Variants in NRG1 observed in about 807,000 individuals in gnomAD.
NRG1 encodes neuregulin 1.
NRG1 carries 18 observed loss-of-function variants against 63.8 expected under a neutral mutation model. That is an observed-to-expected ratio of 0.28 (90% CI 0.19 to 0.42). NRG1 has a LOEUF of 0.42. Among genes scored for constraint, NRG1 ranks in the 10% least tolerant of loss-of-function variants. The probability of loss-of-function intolerance (pLI) is 1.00; values close to 1 mark genes in which losing one functional copy is unlikely to be tolerated. For synonymous variants in NRG1, 302 were observed against 301.3 expected (o/e 1.00, Z -0.02); for missense variants, 762 against 814.7 (o/e 0.94, Z 0.79).
In NRG1 at chr8:32,742,941, C is replaced by G; in HGVS notation, c.691+208C>G. 1 of 1,436,498 alleles carries G rather than the reference C, an allele frequency of 7.0e-7. No homozygotes were observed. The highest frequency in any genetic ancestry group is 9.1e-7 in the Non-Finnish European group (1 of 1,093,360). 89.0% of individuals were successfully genotyped at this position (1,436,498 alleles called of 1,614,324 possible). On this transcript the variant is annotated intron_variant, in intron 7 of 11. Transcript: ENST00000356819. This position sits in a 1 kb window ranked among gnomAD's most constrained non-coding sequence, Gnocchi z 4.2. ...TTCGCGACTAGTTGGCTCTGAGATA[C>G]TAATAGGTGTGTGAGGCTCCGGATG...
chr8:32,008,761 C>T (rs930940208), intron 1 of NRG1, among the ~76,000 whole-genome samples: 13 of 152,056 alleles, frequency 8.5e-5, no homozygotes, highest in African/African-American at 2.7e-4. Flanking sequence ...TGAAGAGCTG[C>T]GTAAGCCTGA....
intron 1 of NRG1, among the ~76,000 whole-genome samples, chr8:31,787,047 G>A (rs1820242108): frequency 6.6e-6 from 1 of 152,124 alleles, no homozygotes; most frequent in South Asian, 2.1e-4. Context: ...ACCCAAGACT[G>A]GCAGCCAGCA....
At chr8:32,333,307 A>G (rs1417332928) in intron 1 of NRG1, among the ~76,000 whole-genome samples, 1 of 152,098 alleles carries the variant, frequency 6.6e-6, no homozygotes, top group Admixed American at 6.6e-5. Flanking sequence ...GCAAAGCCCT[A>G]ATTTATTTTT....
At chr8:31,795,733 A>G (rs941251424) in intron 1 of NRG1, among the ~76,000 whole-genome samples, 1 of 152,106 alleles carries the variant, frequency 6.6e-6, no homozygotes, top group African/African-American at 2.4e-5. Context: ...ATGTAGGTAC[A>G]ATCTTCCGTA....
At chr8:31,789,688 C>T (rs931199483) in intron 1 of NRG1, among the ~76,000 whole-genome samples, 1 of 152,160 alleles carries the variant, frequency 6.6e-6, no homozygotes. Flanking sequence ...GCTTATGAAA[C>T]CTCCCACCTA....
intron 1 of NRG1, among the ~76,000 whole-genome samples, chr8:32,405,423 G>T (rs1270812461): frequency 6.6e-6 from 1 of 152,178 alleles, no homozygotes. Flanking sequence ...CTGTGCCTTT[G>T]CAACTAAAGC....
At chr8:31,818,977 T>C (rs1823732072) in intron 1 of NRG1, among the ~76,000 whole-genome samples, 1 of 151,996 alleles carries the variant, frequency 6.6e-6, no homozygotes, top group East Asian at 1.9e-4. Flanking sequence ...TCACTTGAAC[T>C]CGGGAGGCGG....
intron 5 of NRG1, among the ~76,000 whole-genome samples, chr8:32,675,558 A>G (rs1457973635): frequency 4.4e-4 from 67 of 152,226 alleles, no homozygotes; most frequent in Admixed American, 4.4e-3. Flanking sequence ...AAAATATTTA[A>G]TTCAAATTTT....
intron 1 of NRG1, among the ~76,000 whole-genome samples, chr8:31,826,277 C>A (rs1824546013): frequency 6.6e-6 from 1 of 152,116 alleles, no homozygotes; most frequent in Non-Finnish European, 1.5e-5. Context: ...TGTCCCCACC[C>A]AAATCTCTAC....
intron 1 of NRG1, among the ~76,000 whole-genome samples, chr8:32,026,663 T>C (rs552163202): frequency 6.6e-6 from 1 of 152,322 alleles, no homozygotes; most frequent in Admixed American, 6.5e-5. Flanking sequence ...CCTTAACACA[T>C]AATAGCTTAA....
At chr8:31,789,647 T>C (rs1820505300) in intron 1 of NRG1, among the ~76,000 whole-genome samples, 3 of 152,166 alleles carry the variant, frequency 2.0e-5, no homozygotes, top group Admixed American at 2.0e-4. Context: ...TTCAGTGTGA[T>C]GGTTGAGGAT....
At chr8:32,331,283 C>G (rs1282965102) in intron 1 of NRG1, among the ~76,000 whole-genome samples, 2 of 148,560 alleles carry the variant, frequency 1.3e-5, no homozygotes, top group Non-Finnish European at 3.0e-5. Flanking sequence ...AATCCCAGCA[C>G]TTTGGAAGGC....
chr8:32,632,083 G>A (rs1048813982), intron 5 of NRG1, among the ~76,000 whole-genome samples: 25 of 152,114 alleles, frequency 1.6e-4, no homozygotes, highest in Admixed American at 1.3e-4. Context: ...TAAACTTATG[G>A]CATTAAAAAG....
chr8:32,543,211 T>C (rs1015840640), intron 1 of NRG1, among the ~76,000 whole-genome samples: 2 of 152,164 alleles, frequency 1.3e-5, no homozygotes, highest in African/African-American at 4.8e-5. Flanking sequence ...TGCTTTCCAT[T>C]TCCAGTAAAG....
chr8:32,418,208 A>G (rs569511732), intron 1 of NRG1, among the ~76,000 whole-genome samples: 3 of 152,228 alleles, frequency 2.0e-5, no homozygotes, highest in African/African-American at 7.2e-5. Context: ...TTGAATGCTA[A>G]TGGTATTCTT....
At chr8:32,134,180 C>T (rs1408952869) in intron 1 of NRG1, among the ~76,000 whole-genome samples, 4 of 152,152 alleles carry the variant, frequency 2.6e-5, no homozygotes, top group Non-Finnish European at 4.4e-5. Flanking sequence ...ATAGAAGACA[C>T]TAAAATTTTT....
At position 32,416,583 on chromosome 8, in the gene NRG1, C is replaced by T. The variant is rs568356361; in HGVS notation, c.38-179245C>T. Among the ~76,000 whole-genome samples, 31 of 152,242 alleles carry T rather than the reference C, an allele frequency of 2.0e-4. 1 individual carries two copies. In the South Asian group the frequency reaches 6.4e-3, roughly 32 times the overall value. On this transcript the variant is annotated intron_variant, in intron 1 of 10. Coordinates refer to the NRG1 transcript ENST00000519301. ...AGAAATGCAAACACTTAAGTCTCAC[C>T]CCTAAGCTCCTGATTCAGAAAATCT...
At chr8:31,729,541 G>A (rs1455476296) in intron 1 of NRG1, among the ~76,000 whole-genome samples, 2 of 152,062 alleles carry the variant, frequency 1.3e-5, no homozygotes, top group Non-Finnish European at 1.5e-5. Flanking sequence ...TGCTGAGCTA[G>A]TATAGACAGG....
At chr8:32,410,176 C>CTTTTTTTTTTT (rs374377158) in intron 1 of NRG1, among the ~76,000 whole-genome samples, 2 of 99,308 alleles carry the variant, frequency 2.0e-5, no homozygotes, top group Non-Finnish European at 2.0e-5. Context: ...TTTTTCTTTC[C>CTTTTTTTTTTT]TTTTTTTTTT....
Sources: gnomAD v4.1 joint callset for allele counts (sites outside exome capture counted in the v4.1 genomes callset) on GRCh38, gnomAD v4.1.1 for gene constraint, Gnocchi (gnomAD v3.1) non-coding constraint, MANE v1.5 for transcripts, NCBI Gene and HGNC (gene_info 2026-07-23, HGNC 2026-07-21) for gene names.